DST: variants seen among roughly 807,000 people sequenced by gnomAD.
DST encodes the protein dystonin, also known as bullous pemphigoid antigen.
Under a neutral mutation model 875.2 loss-of-function variants are expected in DST, and 253 were observed. The observed-to-expected ratio is 0.29, with a 90% CI of 0.26 to 0.32. DST has a LOEUF of 0.32. Among genes scored for constraint, DST ranks in the 10% least tolerant of loss-of-function variants. The pLI is 1.00. For synonymous variants in DST, 3,124 were observed against 3,197.1 expected (o/e 0.98, Z 0.77); for missense variants, 8,287 against 9,111.6 (o/e 0.91, Z 3.68).
intron 72 of DST, among the ~76,000 whole-genome samples, chr6:56,514,000 G>C (rs2096538383): frequency 1.3e-5 from 2 of 152,178 alleles, no homozygotes; most frequent in Admixed American, 1.3e-4. Flanking sequence ...CAAATATTCT[G>C]CAACAGCAAA....
intron 4 of DST, among the ~76,000 whole-genome samples, chr6:56,830,127 A>G (rs931999687): frequency 1.3e-5 from 2 of 152,174 alleles, no homozygotes; most frequent in Admixed American, 6.5e-5. Flanking sequence ...TGAAGCTTGT[A>G]ATTACATGGA....
intron 90 of DST, 40 bp downstream of exon 90, chr6:56,482,010 T>A: frequency 6.3e-7 from 1 of 1,593,886 alleles, no homozygotes; most frequent in South Asian, 1.1e-5. Context: ...CTGCTTTGAT[T>A]TTCTAATTTA....
chr6:56,603,291 G>C lies in DST; in HGVS notation c.11071C>G (p.Gln3691Glu). 1.9e-6 allele frequency: 3 copies of C among 1,610,648 alleles called. No homozygotes were observed. The highest frequency in any genetic ancestry group is 2.5e-6 in the Non-Finnish European group (3 of 1,178,842). Reference sequence around the variant, plus strand: ...GAAGAGAAGGCGGTCTTCAAACTCTGGTGGCTAATACTCAATTCTTCAACA... The same window carrying C: ...GAAGAGAAGGCGGTCTTCAAACTCTCGTGGCTAATACTCAATTCTTCAACA... ...GHVEELSISH[Q>E]SLKTAFSSLS... Residue 3691 changes from glutamine to glutamate, a missense_variant, in exon 42 of 104, where the codon CAG becomes GAG. By Grantham distance (29) the Gln-to-Glu change is conservative. Transcript: ENST00000680361.
chr6:56,772,904 T>C (rs2099670224), intron 4 of DST, among the ~76,000 whole-genome samples: 1 of 152,134 alleles, frequency 6.6e-6, no homozygotes. Flanking sequence ...ACTTCCAAGA[T>C]TGCATTATAA....
intron 69 of DST, among the ~76,000 whole-genome samples, chr6:56,520,355 A>G (rs560142206): frequency 6.6e-6 from 1 of 152,300 alleles, no homozygotes; most frequent in South Asian, 2.1e-4. Context: ...TTGAAATAAC[A>G]TTATAGAAAT....
intron 95 of DST, among the ~76,000 whole-genome samples, chr6:56,470,543 G>A (rs964533069): frequency 1.3e-5 from 2 of 151,726 alleles, no homozygotes; most frequent in African/African-American, 4.8e-5. Flanking sequence ...AATTTTATAT[G>A]GGTCAATTGC....
rs35066414 is a variant in DST, at chr6:56,728,973, TACACACACACACACAC to T, written c.687+6239_687+6254del. 3.9e-3 allele frequency among the ~76,000 whole-genome samples: 509 copies of T among 132,100 alleles called. 6 individuals carry two copies. The highest frequency in any genetic ancestry group is 0.012 in the African/African-American group (467 of 37,644). 86.7% of individuals were successfully genotyped at this position (132,100 alleles called of 152,430 possible). A position where few individuals can be genotyped will look rare whatever the true frequency, so the allele number is the denominator to read the frequency against. Reference sequence around the variant, plus strand: ...CCTCAAGTGGTTCAGATAAAAAAAGTACACACACACACACACACACACACACACACACACACACACG... The same window carrying T: ...CCTCAAGTGGTTCAGATAAAAAAAGTACACACACACACACACACACACACG... On this transcript the variant is annotated intron_variant, in intron 5 of 103. Coordinates refer to ENST00000680361, the MANE Select transcript of DST (RefSeq NM_001374736.1).
rs766997787 is a variant in DST at position 56,501,518 on chromosome 6, A to G, written c.19740+2T>C. The G allele has an allele frequency of 5.2e-6, 8 of 1,540,750 alleles. No homozygotes were observed. Among genetic ancestry groups the G allele is most frequent in the Admixed American group, 2.0e-5 (1 of 49,430 alleles). On this transcript the variant is annotated splice_donor_variant, in intron 79 of 103. Transcript: ENST00000680361. LOFTEE classifies it high-confidence loss of function. The stretch of plus-strand genomic sequence containing the variant: ...TTTCTTAAGAAAAGTCTTGGTATTT[A>G]CCTGTCTGTTGATGATTCTCTCCTC...
intron 2 of DST, among the ~76,000 whole-genome samples, chr6:56,941,565 T>G (rs918815466): frequency 1.7e-4 from 26 of 152,156 alleles, no homozygotes; most frequent in Non-Finnish European, 3.4e-4. Context: ...TCACCACAAC[T>G]TCACCCACTT....
At chr6:56,885,314 C>A (rs958435958) in intron 3 of DST, among the ~76,000 whole-genome samples, 2 of 152,200 alleles carry the variant, frequency 1.3e-5, no homozygotes, top group African/African-American at 4.8e-5. Context: ...GCGTACAATT[C>A]ATGTGCCAGG....
At chr6:56,780,867 G>A (rs1211910829) in intron 4 of DST, among the ~76,000 whole-genome samples, 3 of 152,008 alleles carry the variant, frequency 2.0e-5, no homozygotes, top group Non-Finnish European at 4.4e-5. Flanking sequence ...TAGATCTAAC[G>A]TTTAAGTCTT....
At chr6:56,562,744 C>T (rs991649694) in intron 55 of DST, among the ~76,000 whole-genome samples, 14 of 151,848 alleles carry the variant, frequency 9.2e-5, no homozygotes, top group African/African-American at 3.1e-4. Context: ...CCCAGGCCCC[C>T]CACCCCCTGA....
chr6:56,583,665 C>T (rs955841846), intron 49 of DST, among the ~76,000 whole-genome samples: 32 of 152,176 alleles, frequency 2.1e-4, no homozygotes, highest in Non-Finnish European at 3.8e-4. Flanking sequence ...ACATGAAGTC[C>T]TTGCCCATGC....
At chr6:56,553,676 T>C in intron 60 of DST, 21 bp from the exon 61 acceptor site, 1 of 1,595,310 alleles carries the variant, frequency 6.3e-7, no homozygotes, top group Non-Finnish European at 8.5e-7. Context: ...AATTACAAGA[T>C]ATGTTTATTT....
At chr6:56,576,201 A>T (rs1462572837) in intron 50 of DST, among the ~76,000 whole-genome samples, 4 of 152,158 alleles carry the variant, frequency 2.6e-5, no homozygotes, top group Non-Finnish European at 5.9e-5. Flanking sequence ...GGGCACAGAA[A>T]TTCTGCTCCC....
intron 53 of DST, among the ~76,000 whole-genome samples, chr6:56,570,653 C>G (rs560735836): frequency 1.3e-4 from 20 of 152,244 alleles, no homozygotes; most frequent in African/African-American, 4.8e-4. Flanking sequence ...GGCCATAGAC[C>G]AGTAGATACC....
chr6:56,706,710 A>G (rs1210974363), intron 5 of DST, among the ~76,000 whole-genome samples: 4 of 152,110 alleles, frequency 2.6e-5, no homozygotes, highest in African/African-American at 4.8e-5. Context: ...ACAGTTCACA[A>G]TAGGGTTCAC....
rs561219050 is a variant in DST, at chr6:56,926,220, A to G, written c.217-25599T>C. Reference sequence around the variant, plus strand: ...TACAGAGTCCATTTACCCATTTGCCACTCATCTTTCTTTCTCTCCACTTTT... The same window carrying G: ...TACAGAGTCCATTTACCCATTTGCCGCTCATCTTTCTTTCTCTCCACTTTT... On this transcript the variant is annotated intron_variant, in intron 2 of 103. Coordinates refer to ENST00000680361, the MANE Select transcript of DST (RefSeq NM_001374736.1). 4.6e-5 allele frequency among the ~76,000 whole-genome samples: 7 copies of G among 152,228 alleles called. No homozygotes were observed. In the South Asian group the frequency reaches 8.3e-4, roughly 18 times the overall value.
At chr6:56,749,663 C>T (rs982253731) in intron 4 of DST, among the ~76,000 whole-genome samples, 6 of 151,994 alleles carry the variant, frequency 3.9e-5, no homozygotes, top group African/African-American at 1.2e-4. Context: ...GGTTGTGAGG[C>T]CACATTTTTT....
Sources: gnomAD v4.1 joint callset for allele counts (sites outside exome capture counted in the v4.1 genomes callset) on GRCh38, gnomAD v4.1.1 for gene constraint, MANE v1.5 for transcripts, NCBI Gene and HGNC (gene_info 2026-07-23, HGNC 2026-07-21) for gene names.